The following DGKB variants were observed in gnomAD, a reference collection of about 807,000 sequenced individuals.
The protein encoded by DGKB is 90 kDa diacylglycerol kinase.
Under a neutral mutation model 114.3 loss-of-function variants are expected in DGKB, and 67 were observed. That is an observed-to-expected ratio of 0.59 (90% confidence interval 0.48 to 0.72). The LOEUF is 0.72. DGKB is among the 30% of genes least tolerant of loss of function. The pLI, the probability that DGKB is intolerant of heterozygous loss-of-function variation, is 0.00. For synonymous variants in DGKB, 398 were observed against 323.1 expected (o/e 1.23, Z -2.49); for missense variants, 907 against 975.2 (o/e 0.93, Z 0.93).
intron 5 of DGKB, among the ~76,000 whole-genome samples, chr7:14,733,406 G>A (rs930884440): frequency 2.0e-5 from 3 of 152,186 alleles, no homozygotes; most frequent in Non-Finnish European, 2.9e-5. Context: ...AGATGGGAAG[G>A]CCAGACGCCA....
chr7:14,231,083 C>CTTTCTTTA (rs1246015890), intron 23 of DGKB, among the ~76,000 whole-genome samples: 3 of 27,468 alleles, frequency 1.1e-4, no homozygotes, highest in East Asian at 2.9e-3. Context: ...TCTTCTTTCC[C>CTTTCTTTA]TTTCTTTCTT....
chr7:14,263,498 G>T (rs1797058215), intron 23 of DGKB, among the ~76,000 whole-genome samples: 1 of 152,052 alleles, frequency 6.6e-6, no homozygotes, highest in Non-Finnish European at 1.5e-5. Context: ...TTGCCTCTGG[G>T]TTTCTGTACA....
At chr7:14,795,004 C>T (rs1265309871) in intron 2 of DGKB, among the ~76,000 whole-genome samples, 1 of 152,116 alleles carries the variant, frequency 6.6e-6, no homozygotes, top group South Asian at 2.1e-4. Flanking sequence ...AGATGCCATA[C>T]AAGACAATGC....
intron 15 of DGKB, 117 bp downstream of exon 15, chr7:14,621,261 G>C (rs1464603766): frequency 1.1e-5 from 7 of 623,398 alleles, no homozygotes; most frequent in African/African-American, 9.6e-5. Flanking sequence ...TTCTGAAAGA[G>C]TCTACTAAGC....
intron 5 of DGKB, among the ~76,000 whole-genome samples, chr7:14,733,750 G>GAAAGAAAGA (rs1554627742): frequency 3.0e-4 from 2 of 6,584 alleles, no homozygotes; most frequent in Non-Finnish European, 1.2e-3. Context: ...AAGAAATAAA[G>GAAAGAAAGA]AAGAAAGAAA....
At chr7:14,609,029 C>T (rs548602623) in intron 16 of DGKB, among the ~76,000 whole-genome samples, 56 of 152,132 alleles carry the variant, frequency 3.7e-4, no homozygotes, top group African/African-American at 1.3e-3. Flanking sequence ...ATGAAACTAC[C>T]AATGTCGTTC....
At chr7:14,796,720 G>C (rs1841464767) in intron 2 of DGKB, among the ~76,000 whole-genome samples, 2 of 151,130 alleles carry the variant, frequency 1.3e-5, no homozygotes. Context: ...CTTATTATGA[G>C]AAATTTTTGA....
chr7:14,887,738 C>CAT (rs1453455117), intron 1 of DGKB, among the ~76,000 whole-genome samples: 1 of 151,756 alleles, frequency 6.6e-6, no homozygotes, highest in East Asian at 1.9e-4. Flanking sequence ...TTCTTCATGA[C>CAT]ATATATATAA....
intron 25 of DGKB, among the ~76,000 whole-genome samples, chr7:14,171,932 A>G (rs1781059303): frequency 6.6e-6 from 1 of 152,196 alleles, no homozygotes; most frequent in Non-Finnish European, 1.5e-5. Flanking sequence ...CCTGTGTCTA[A>G]AAGGAGCTGG....
intron 21 of DGKB, among the ~76,000 whole-genome samples, chr7:14,349,184 A>G (rs761939289): frequency 6.6e-6 from 1 of 152,104 alleles, no homozygotes; most frequent in Non-Finnish European, 1.5e-5. Context: ...GAGGGGCTCA[A>G]TTCAAGAGCT....
intron 25 of DGKB, among the ~76,000 whole-genome samples, chr7:14,163,664 T>G (rs2128227231): frequency 6.6e-6 from 1 of 152,126 alleles, no homozygotes; most frequent in African/African-American, 2.4e-5. Context: ...GACTATTAAT[T>G]TTCTCTCTTC....
intron 1 of DGKB, among the ~76,000 whole-genome samples, chr7:14,948,278 G>T (rs111618071): frequency 1.3e-5 from 2 of 151,572 alleles, no homozygotes; most frequent in African/African-American, 4.8e-5. Flanking sequence ...CCTTGTCTTT[G>T]CACTGAATTT....
intron 23 of DGKB, among the ~76,000 whole-genome samples, chr7:14,325,539 G>A (rs1808567807): frequency 6.6e-6 from 1 of 152,090 alleles, no homozygotes; most frequent in African/African-American, 2.4e-5. Context: ...AACTTTCGTT[G>A]GGATAAATAT....
chr7:14,347,991 C>T (rs1015323933), intron 21 of DGKB, among the ~76,000 whole-genome samples: 1 of 151,908 alleles, frequency 6.6e-6, no homozygotes, highest in African/African-American at 2.4e-5. Context: ...AAAAGTAACA[C>T]AGAGGAGTCC....
At chr7:14,322,066 C>T (rs756421916) in intron 23 of DGKB, among the ~76,000 whole-genome samples, 4 of 152,150 alleles carry the variant, frequency 2.6e-5, no homozygotes, top group Non-Finnish European at 5.9e-5. Context: ...AACTGTAGTA[C>T]TGGCGTAAGG....
At chr7:14,874,851 C>A (rs928451017) in intron 1 of DGKB, among the ~76,000 whole-genome samples, 1 of 152,124 alleles carries the variant, frequency 6.6e-6, no homozygotes, top group African/African-American at 2.4e-5. Context: ...TAGTCCCCTG[C>A]ATGTAAATAT....
intron 4 of DGKB, among the ~76,000 whole-genome samples, chr7:14,752,370 A>G (rs1022275401): frequency 2.0e-5 from 3 of 152,168 alleles, no homozygotes; most frequent in Admixed American, 6.5e-5. Context: ...TGCAAAGGGT[A>G]TACACATTAA....
chr7:14,591,190 T>A (rs968784798), intron 17 of DGKB, among the ~76,000 whole-genome samples: 1 of 152,016 alleles, frequency 6.6e-6, no homozygotes, highest in East Asian at 1.9e-4. Flanking sequence ...ATCCTTCCAA[T>A]GGGGAGAAGT....
intron 1 of DGKB, among the ~76,000 whole-genome samples, chr7:14,887,192 TCCA>T (rs979528344): frequency 6.6e-6 from 1 of 151,778 alleles, no homozygotes; most frequent in Non-Finnish European, 1.5e-5. Flanking sequence ...AGGCTTTTGC[TCCA>T]CCACACCACT....
Sources: allele counts gnomAD v4.1 joint callset (sites outside exome capture counted in the v4.1 genomes callset), GRCh38; gene constraint gnomAD v4.1.1; transcripts MANE v1.5; gene names NCBI Gene and HGNC (gene_info 2026-07-23, HGNC 2026-07-21).